Variants in AACS observed in about 807,000 individuals in gnomAD.
AACS encodes the protein acetoacetate-CoA ligase.
A neutral mutation model predicts 83.1 loss-of-function variants in AACS; 69 were observed. The observed-to-expected ratio is 0.83, with a 90% confidence interval of 0.68 to 1.01. AACS has a LOEUF of 1.01. Among genes scored for constraint, AACS ranks in the 50% least tolerant of loss-of-function variants. The pLI is 0.00. For missense variants in AACS, 866 were observed against 882.2 expected, an observed-to-expected ratio of 0.98 and a Z score of 0.23; for synonymous variants, 333 against 343.4, an observed-to-expected ratio of 0.97 and a Z score of 0.33.
chr12:125,133,495 C>T (rs752468203), intron 14 of AACS, among the ~76,000 whole-genome samples: 10 of 152,234 alleles, frequency 6.6e-5, no homozygotes, highest in Admixed American at 1.3e-4. Context: ...GCTCTCTGTC[C>T]ATGTGGCTAA....
At chr12:125,091,633 G>C in intron 5 of AACS, 110 bp downstream of exon 5, 1 of 1,115,346 alleles carries the variant, frequency 9.0e-7, no homozygotes. Context: ...TGAGCCCAGC[G>C]GGAGGAGGTG....
intron 10 of AACS, chr12:125,123,240 C>T (rs2136123537): frequency 6.6e-6 from 1 of 152,386 alleles, no homozygotes; most frequent in Non-Finnish European, 1.5e-5. Flanking sequence ...GTACCTGTAG[C>T]TGGAGGTGGT....
At chr12:125,086,743 G>C (rs768060285) in intron 4 of AACS, among the ~76,000 whole-genome samples, 1 of 151,328 alleles carries the variant, frequency 6.6e-6, no homozygotes, top group Non-Finnish European at 1.5e-5. Context: ...GGATGAAGGC[G>C]CATTCAATAT....
At chr12:125,078,351 CG>C (rs1565924255) in intron 3 of AACS, 3 of 456,064 alleles carry the variant, frequency 6.6e-6, no homozygotes, top group South Asian at 3.1e-5. Context: ...AGCAACGTCT[CG>C]ACGTACCATA....
chr12:125,115,363 C>T (rs554179222), intron 9 of AACS, among the ~76,000 whole-genome samples: 5 of 151,362 alleles, frequency 3.3e-5, no homozygotes, highest in East Asian at 1.9e-4. Flanking sequence ...TGGGTTCAAG[C>T]GATTCTTCTG....
chr12:125,075,131 C>A (rs191052269), intron 2 of AACS, among the ~76,000 whole-genome samples: 1 of 151,702 alleles, frequency 6.6e-6, no homozygotes, highest in Non-Finnish European at 1.5e-5. Context: ...TGCGCCACCA[C>A]GCCCAGCCAA....
chr12:125,075,421 A>C (rs1955998084), intron 2 of AACS, among the ~76,000 whole-genome samples: 1 of 150,056 alleles, frequency 6.7e-6, no homozygotes, highest in African/African-American at 2.5e-5. Context: ...CCTCCTGAGT[A>C]GCTGGGATTA....
At position 125,065,535 on chromosome 12, in the gene AACS, C is replaced by T. The variant is rs1360026257; in HGVS notation, c.-50C>T. The stretch of plus-strand genomic sequence containing the variant: ...AGGTCCCCGGCCCTCGCCTCAGCCC[C>T]GGCCCCTGGTCCCCAGCCCTCGTCG... On this transcript the variant is annotated 5_prime_UTR_variant, in exon 1 of 18. Coordinates refer to ENST00000316519, the MANE Select transcript of AACS (RefSeq NM_023928.5). The T allele has an allele frequency of 2.7e-6, 4 of 1,455,662 alleles. No homozygotes were observed. Among genetic ancestry groups the T allele is most frequent in the Non-Finnish European group, 3.6e-6 (4 of 1,104,534 alleles). 90.2% of individuals were successfully genotyped at this position (1,455,662 alleles called of 1,614,324 possible).
rs750373632 is a variant in AACS at position 125,073,980 on chromosome 12, G to C, written c.237+1G>C. The C allele has an allele frequency of 6.2e-7, 1 of 1,607,120 alleles. No individual in the cohort carries two copies. Among genetic ancestry groups the C allele is most frequent in the African/African-American group, 1.3e-5 (1 of 74,680 alleles). The stretch of plus-strand genomic sequence containing the variant: ...TGTCTTCTCACGTGTGTATGATGAG[G>C]TAAGTAGAGATTTTCCGTGGATATC... On this transcript the variant is annotated splice_donor_variant, in intron 2 of 17. Transcript: ENST00000316519. LOFTEE classifies it high-confidence loss of function.
At chr12:125,112,292 A>G (rs1014974916) in intron 8 of AACS, among the ~76,000 whole-genome samples, 8 of 151,704 alleles carry the variant, frequency 5.3e-5, no homozygotes, top group Admixed American at 3.3e-4. Flanking sequence ...TTCTTGTTAA[A>G]CTCCACCCTG....
rs777512525 is a variant in AACS, at chr12:125,107,187, G to A, written c.834G>A (p.Gln278=). The A allele has an allele frequency of 3.1e-6, 5 of 1,614,150 alleles. No homozygotes were observed. The highest frequency in any genetic ancestry group is 3.4e-6 in the Non-Finnish European group (4 of 1,180,042). Residue 278 remains glutamine (Q), a synonymous_variant, in exon 8 of 18, where the codon CAG becomes CAA. Transcript: ENST00000316519. ...AGGCCCCGCAGCTGGAGTTCGAGCA[G>A]CTGCCCTTCAGCCACCCACTGTTCA... ...SEQAPQLEFE[Q]LPFSHPLFIM...
At chr12:125,079,039 G>A (rs747896605) in intron 3 of AACS, among the ~76,000 whole-genome samples, 2 of 152,140 alleles carry the variant, frequency 1.3e-5, no homozygotes, top group African/African-American at 2.4e-5. Flanking sequence ...GTTTGGAGGA[G>A]TCTACGGAAC....
At chr12:125,076,872 C>T (rs1043571032) in intron 3 of AACS, among the ~76,000 whole-genome samples, 1 of 152,104 alleles carries the variant, frequency 6.6e-6, no homozygotes, top group African/African-American at 2.4e-5. Flanking sequence ...GGAACTATAA[C>T]TAGAATCTCT....
intron 5 of AACS, among the ~76,000 whole-genome samples, chr12:125,098,817 T>C (rs1000883372): frequency 2.0e-5 from 3 of 152,248 alleles, no homozygotes; most frequent in Non-Finnish European, 4.4e-5. Flanking sequence ...GATTGAGTTA[T>C]ATGTGGCCAC....
At chr12:125,087,224 T>C (rs2136067766) in intron 4 of AACS, among the ~76,000 whole-genome samples, 1 of 152,294 alleles carries the variant, frequency 6.6e-6, no homozygotes, top group East Asian at 1.9e-4. Context: ...TGGGGATTGT[T>C]CTGGAAGGAG....
chr12:125,124,263 C>T (rs1205240384), intron 10 of AACS: 1 of 161,472 alleles, frequency 6.2e-6, no homozygotes, highest in East Asian at 1.8e-4. Flanking sequence ...CGACTGCATT[C>T]CAGCTTGGGG....
At chr12:125,079,285 G>T (rs531956275) in intron 3 of AACS, among the ~76,000 whole-genome samples, 1 of 152,274 alleles carries the variant, frequency 6.6e-6, no homozygotes, top group African/African-American at 2.4e-5. Flanking sequence ...GCAAGGGCTG[G>T]GTGATCCCGT....
At chr12:125,084,866 G>A (rs1956295369) in intron 3 of AACS, among the ~76,000 whole-genome samples, 1 of 152,084 alleles carries the variant, frequency 6.6e-6, no homozygotes, top group Non-Finnish European at 1.5e-5. Flanking sequence ...ACAGGCATGA[G>A]CCACCCTGCC....
chr12:125,125,095 G>C, intron 12 of AACS, 71 bp downstream of exon 12: 4 of 1,595,616 alleles, frequency 2.5e-6, no homozygotes, highest in Non-Finnish European at 3.4e-6. Flanking sequence ...CCTCTGCCCA[G>C]TGCTTGGATT....
Sources: gnomAD v4.1 joint callset for allele counts (sites outside exome capture counted in the v4.1 genomes callset) on GRCh38, gnomAD v4.1.1 for gene constraint, MANE v1.5 for transcripts, NCBI Gene and HGNC (gene_info 2026-07-23, HGNC 2026-07-21) for gene names.